Variants in PHACTR1 observed in about 807,000 individuals in gnomAD.
PHACTR1 encodes the protein RPEL repeat containing 1.
PHACTR1 carries 16 observed loss-of-function variants against 69.2 expected under a neutral mutation model. The ratio of observed to expected loss-of-function variants is 0.23; its 90% confidence interval spans 0.16 to 0.35. PHACTR1 has a LOEUF of 0.35. PHACTR1 is among the 10% of genes least tolerant of loss of function. The probability of loss-of-function intolerance (pLI) is 1.00; values close to 1 mark genes in which losing one functional copy is unlikely to be tolerated. For synonymous variants in PHACTR1, 312 were observed against 284.5 expected (o/e 1.10, Z -0.97); for missense variants, 510 against 734.7 (o/e 0.69, Z 3.54).
At chr6:12,903,716 C>A (rs1785435203) in intron 4 of PHACTR1, among the ~76,000 whole-genome samples, 2 of 152,164 alleles carry the variant, frequency 1.3e-5, no homozygotes, top group Non-Finnish European at 2.9e-5. Context: ...CCCTTGAGAT[C>A]ATATAAAAAT....
At chr6:12,753,959 TATATATATATA>T (rs1561851173) in intron 4 of PHACTR1, among the ~76,000 whole-genome samples, 2 of 104,616 alleles carry the variant, frequency 1.9e-5, no homozygotes, top group South Asian at 2.6e-4. Flanking sequence ...TATATATATA[TATATATATATA>T]TTTTTTTTTT....
chr6:12,822,564 T>C (rs572753671), intron 4 of PHACTR1, among the ~76,000 whole-genome samples: 3 of 152,264 alleles, frequency 2.0e-5, no homozygotes, highest in African/African-American at 7.2e-5. Flanking sequence ...GCAACTAATA[T>C]GTTCCTCGCC....
At chr6:12,724,775 TC>T (rs1322415874) in intron 3 of PHACTR1, among the ~76,000 whole-genome samples, 1 of 152,162 alleles carries the variant, frequency 6.6e-6, no homozygotes, top group Non-Finnish European at 1.5e-5. Context: ...GAACCAGATA[TC>T]ATTTTATCAC....
chr6:12,871,224 G>A (rs568845759), intron 4 of PHACTR1, among the ~76,000 whole-genome samples: 4 of 152,186 alleles, frequency 2.6e-5, no homozygotes, highest in East Asian at 1.9e-4. Context: ...TTTGCTCACC[G>A]CTATGTGCTA....
At chr6:12,798,069 C>CACACACACACACA (rs1561892342) in intron 4 of PHACTR1, among the ~76,000 whole-genome samples, 10 of 149,476 alleles carry the variant, frequency 6.7e-5, no homozygotes, top group South Asian at 2.2e-4. Flanking sequence ...CACACACACA[C>CACACACACACACA]CCCTACATAA....
intron 4 of PHACTR1, among the ~76,000 whole-genome samples, chr6:12,962,858 G>A (rs1792928963): frequency 6.6e-6 from 1 of 152,164 alleles, no homozygotes; most frequent in African/African-American, 2.4e-5. Flanking sequence ...TTCCTGCCAT[G>A]TTCTGCAGAA....
At chr6:13,033,412 A>G (rs1802768491) in intron 4 of PHACTR1, among the ~76,000 whole-genome samples, 1 of 152,176 alleles carries the variant, frequency 6.6e-6, no homozygotes, top group Non-Finnish European at 1.5e-5. Flanking sequence ...TTATCATCAT[A>G]CTATTATACA....
intron 10 of PHACTR1, among the ~76,000 whole-genome samples, chr6:13,261,480 G>A (rs761993405): frequency 1.6e-4 from 24 of 152,152 alleles, no homozygotes; most frequent in Non-Finnish European, 3.2e-4. Context: ...TTGTTCAAAA[G>A]ATAAAAAAAT....
At chr6:12,987,409 A>G (rs4715043) in intron 4 of PHACTR1, among the ~76,000 whole-genome samples, 68,929 of 152,002 alleles carry the variant, frequency 0.45, 16,364 homozygotes, top group African/African-American at 0.57. Flanking sequence ...ACTTGGAACA[A>G]TTTGTAATAG....
intron 4 of PHACTR1, among the ~76,000 whole-genome samples, chr6:12,830,940 G>C: frequency 6.6e-6 from 1 of 152,000 alleles, no homozygotes; most frequent in Admixed American, 6.6e-5. Context: ...TGGATTTAGG[G>C]GGTACAAGTA....
In PHACTR1 at chr6:13,273,021, G is replaced by A. The variant is rs1778095229; in HGVS notation, c.1447+106G>A. 5 of 1,494,078 alleles carry A rather than the reference G, an allele frequency of 3.3e-6. No homozygotes were observed. In the African/African-American group the frequency reaches 7.0e-5, roughly 21 times the overall value. The allele number at this position is 1,494,078 out of a possible 1,614,324, so 92.6% of individuals were successfully genotyped here. A position where few individuals can be genotyped will look rare whatever the true frequency, so the allele number is the denominator to read the frequency against. On this transcript the variant is annotated intron_variant, in intron 11 of 14. Transcript: ENST00000332995. ...ACCTTGCGCCTCTGCGGAAAGCATT[G>A]AAAACCTTTCTAACGGTTGAAGCTT...
At chr6:13,138,056 C>T (rs1821829970) in intron 5 of PHACTR1, among the ~76,000 whole-genome samples, 1 of 152,044 alleles carries the variant, frequency 6.6e-6, no homozygotes, top group African/African-American at 2.4e-5. Flanking sequence ...GGAGAGAGAC[C>T]CCAGTGTATA....
At chr6:13,090,140 C>T (rs545225402) in intron 5 of PHACTR1, among the ~76,000 whole-genome samples, 17 of 152,132 alleles carry the variant, frequency 1.1e-4, no homozygotes, top group South Asian at 4.2e-4. Flanking sequence ...CTGCAACCTC[C>T]GCCTCCTGTG....
In PHACTR1 at chr6:12,742,560, AC is replaced by A. The variant is rs1442359044; in HGVS notation, c.104-7083del. On this transcript the variant is annotated intron_variant, in intron 3 of 14. Transcript: ENST00000332995. ...CTCTTCCTGTGACTTAGAATGCCTA[AC>A]TTTCTGGGAATGCAGCCTGGTAGGT... 2.6e-5 allele frequency among the ~76,000 whole-genome samples: 4 copies of A among 152,058 alleles called. No individual in the cohort carries two copies. The East Asian group carries it at 7.7e-4, about 29-fold the overall frequency.
At chr6:13,029,142 A>C (rs1468770593) in intron 4 of PHACTR1, among the ~76,000 whole-genome samples, 1 of 152,224 alleles carries the variant, frequency 6.6e-6, no homozygotes. Flanking sequence ...AGTATGCCTG[A>C]GTCTCACTGG....
At chr6:13,215,588 A>G (rs1383661937) in intron 8 of PHACTR1, among the ~76,000 whole-genome samples, 1 of 152,214 alleles carries the variant, frequency 6.6e-6, no homozygotes, top group Non-Finnish European at 1.5e-5. Flanking sequence ...TTGTAATCAG[A>G]TATAAGGAAG....
At chr6:13,267,838 G>GAAAAAAAAAAAAAAAAAAAAAAAAAAA (rs558900640) in intron 10 of PHACTR1, 1 of 101,084 alleles carries the variant, frequency 9.9e-6, no homozygotes, top group African/African-American at 5.2e-5. Context: ...GGAATGATCT[G>GAAAAAAAAAAAAAAAAAAAAAAAAAAA]AAAAAAAAAA....
chr6:12,870,693 C>T (rs953165875), intron 4 of PHACTR1, among the ~76,000 whole-genome samples: 4 of 152,146 alleles, frequency 2.6e-5, no homozygotes, highest in Non-Finnish European at 4.4e-5. Context: ...TGCTGAAGTA[C>T]GTTAAGCCTC....
At chr6:13,224,288 C>T (rs1769202877) in intron 8 of PHACTR1, among the ~76,000 whole-genome samples, 1 of 152,190 alleles carries the variant, frequency 6.6e-6, no homozygotes, top group Non-Finnish European at 1.5e-5. Flanking sequence ...CCCATAAACA[C>T]AGGCAAGGCA....
Sources: gnomAD v4.1 joint callset for allele counts (sites outside exome capture counted in the v4.1 genomes callset) on GRCh38, gnomAD v4.1.1 for gene constraint, MANE v1.5 for transcripts, NCBI Gene and HGNC (gene_info 2026-07-23, HGNC 2026-07-21) for gene names.